CNTNAP2: variants seen among roughly 807,000 people sequenced by gnomAD.
CNTNAP2 encodes contactin-associated protein-like 2.
A neutral mutation model predicts 155.2 loss-of-function variants in CNTNAP2; 98 were observed. That is an observed-to-expected ratio of 0.63 (90% CI 0.54 to 0.75). The LOEUF (loss-of-function observed/expected upper bound fraction) is 0.75. Ranked by LOEUF, CNTNAP2 falls within the 30% of genes least tolerant of loss-of-function variation. The pLI is 0.00. For synonymous variants in CNTNAP2, 651 were observed against 631.2 expected, an observed-to-expected ratio of 1.03 and a Z score of -0.47; for missense variants, 1,727 against 1,688.1, an observed-to-expected ratio of 1.02 and a Z score of -0.40.
intron 11 of CNTNAP2, among the ~76,000 whole-genome samples, chr7:147,505,352 C>T (rs531901122): frequency 1.4e-5 from 2 of 146,550 alleles, no homozygotes; most frequent in Non-Finnish European, 2.9e-5. Flanking sequence ...GACCTTCAAA[C>T]AATAAAATGT....
chr7:148,383,821 C>A lies in CNTNAP2; in HGVS notation c.3648C>A (p.Ala1216=), dbSNP rs1252540894. The A allele has an allele frequency of 6.2e-7, 1 of 1,614,134 alleles. No homozygotes were observed. The highest frequency in any genetic ancestry group is 1.3e-5 in the African/African-American group (1 of 75,038). The change falls in exon 22 of 24, where the codon GCC becomes GCA. Residue 1216 remains alanine (A), a synonymous_variant. Transcript: ENST00000361727. ...AGCTGGTGGAGTCCAACTGCGGGGC[C>A]TCGCCGCTGACCCTCTCCCCCATGT... ...QGELVESNCG[A]SPLTLSPMSS... is the part of the protein sequence containing the mutation.
At chr7:146,466,542 T>C (rs1030854899) in intron 1 of CNTNAP2, among the ~76,000 whole-genome samples, 3 of 152,220 alleles carry the variant, frequency 2.0e-5, no homozygotes, top group Admixed American at 2.0e-4. Context: ...ATTTAATCTA[T>C]CTTTTCACCC....
intron 13 of CNTNAP2, among the ~76,000 whole-genome samples, chr7:147,711,557 C>T (rs369387052): frequency 1.3e-5 from 2 of 152,242 alleles, no homozygotes; most frequent in Admixed American, 6.5e-5. Context: ...AGGTCAGGAA[C>T]GATGGGAGCA....
chr7:147,324,096 G>T (rs1468421062), intron 9 of CNTNAP2, among the ~76,000 whole-genome samples: 1 of 151,948 alleles, frequency 6.6e-6, no homozygotes, highest in Admixed American at 6.6e-5. Context: ...AAATTAAGAG[G>T]CCAGAGAAAG....
At chr7:146,270,994 T>TA (rs1395785320) in intron 1 of CNTNAP2, among the ~76,000 whole-genome samples, 1 of 152,080 alleles carries the variant, frequency 6.6e-6, no homozygotes, top group African/African-American at 2.4e-5. Context: ...AACATCAAAA[T>TA]AAAAAAGTTA....
rs1434250349 is a variant in CNTNAP2, at chr7:146,233,696, A to G, written c.97+116723A>G. Reference sequence around the variant, plus strand: ...TGTTCTCATTGTTCAATTCCCACCTATGAGTGAGAATATGCGGTGTTTGGT... The same window carrying G: ...TGTTCTCATTGTTCAATTCCCACCTGTGAGTGAGAATATGCGGTGTTTGGT... On this transcript the variant is annotated intron_variant, in intron 1 of 23. Transcript: ENST00000361727. Among the ~76,000 whole-genome samples, 6 of 151,830 alleles carry G rather than the reference A, an allele frequency of 4.0e-5. No homozygotes were observed. The East Asian group carries it at 1.2e-3, about 29-fold the overall frequency.
intron 1 of CNTNAP2, among the ~76,000 whole-genome samples, chr7:146,704,462 T>C (rs1800929486): frequency 6.6e-6 from 1 of 152,152 alleles, no homozygotes; most frequent in Admixed American, 6.6e-5. Flanking sequence ...ATTAGACAGA[T>C]GAAGCTAATC....
intron 1 of CNTNAP2, among the ~76,000 whole-genome samples, chr7:146,202,088 A>G (rs187437632): frequency 6.6e-6 from 1 of 152,136 alleles, no homozygotes; most frequent in Non-Finnish European, 1.5e-5. Context: ...TTTATACTGC[A>G]TCCTTATCTG....
chr7:147,192,382 G>A (rs1009019185), intron 8 of CNTNAP2, among the ~76,000 whole-genome samples: 2 of 151,910 alleles, frequency 1.3e-5, no homozygotes, highest in Non-Finnish European at 2.9e-5. Context: ...TTTACCCAAG[G>A]ACTATACCCT....
At chr7:147,190,008 A>T (rs533738637) in intron 8 of CNTNAP2, among the ~76,000 whole-genome samples, 41 of 152,058 alleles carry the variant, frequency 2.7e-4, no homozygotes, top group South Asian at 1.0e-3. Context: ...CCTCCCAAAG[A>T]GCTAGGATTA....
chr7:147,566,572 C>T (rs896400516), intron 12 of CNTNAP2, among the ~76,000 whole-genome samples: 1 of 152,096 alleles, frequency 6.6e-6, no homozygotes, highest in Non-Finnish European at 1.5e-5. Context: ...GAAGCAGATG[C>T]CTTCTTCACA....
At position 146,264,765 on chromosome 7, in the gene CNTNAP2, A is replaced by T. The variant is rs554423632; in HGVS notation, c.97+147792A>T. 4.9e-4 allele frequency among the ~76,000 whole-genome samples: 74 copies of T among 152,330 alleles called. 1 individual carries two copies. Among genetic ancestry groups the T allele is most frequent in the African/African-American group, 1.7e-3 (70 of 41,568 alleles). On this transcript the variant is annotated intron_variant, in intron 1 of 23. Coordinates refer to ENST00000361727, the MANE Select transcript of CNTNAP2 (RefSeq NM_014141.6). ...GGTGTCAGTTACTAACAACACATTT[A>T]ATGTGAGAGAGGCAGATCGTTGTGG...
chr7:146,145,016 A>G (rs1199542909), intron 1 of CNTNAP2, among the ~76,000 whole-genome samples: 1 of 152,192 alleles, frequency 6.6e-6, no homozygotes, highest in Non-Finnish European at 1.5e-5. Flanking sequence ...GATGGATTTG[A>G]TGAATTTTGT....
chr7:148,033,729 A>G (rs1239673174), intron 15 of CNTNAP2, among the ~76,000 whole-genome samples: 1 of 152,242 alleles, frequency 6.6e-6, no homozygotes, highest in Non-Finnish European at 1.5e-5. Flanking sequence ...TCCATAAATT[A>G]TGTTAGATTG....
intron 9 of CNTNAP2, among the ~76,000 whole-genome samples, chr7:147,308,052 T>C (rs760950803): frequency 1.3e-5 from 2 of 152,100 alleles, no homozygotes; most frequent in African/African-American, 2.4e-5. Context: ...TGGGAGGGGA[T>C]TGAGGATTAT....
At chr7:148,156,813 T>C (rs962369133) in intron 17 of CNTNAP2, among the ~76,000 whole-genome samples, 2 of 152,154 alleles carry the variant, frequency 1.3e-5, no homozygotes, top group African/African-American at 4.8e-5. Flanking sequence ...CCATCCACCC[T>C]AAATTTGGAG....
intron 1 of CNTNAP2, among the ~76,000 whole-genome samples, chr7:146,222,541 A>AGTGTGTGTGT (rs10616515): frequency 1.9e-3 from 274 of 147,368 alleles, no homozygotes; most frequent in African/African-American, 6.6e-3. Flanking sequence ...ACTAAAGCAT[A>AGTGTGTGTGT]GTGTGTGTGT....
chr7:148,138,111 G>C (rs186909736), intron 16 of CNTNAP2, among the ~76,000 whole-genome samples: 29 of 152,114 alleles, frequency 1.9e-4, no homozygotes, highest in African/African-American at 6.5e-4. Flanking sequence ...GAAAACAGAC[G>C]TCCCCTTGGC....
intron 1 of CNTNAP2, among the ~76,000 whole-genome samples, chr7:146,363,598 G>A (rs1355586953): frequency 6.6e-6 from 1 of 152,176 alleles, no homozygotes; most frequent in African/African-American, 2.4e-5. Flanking sequence ...GGCTGACATA[G>A]GGGAGAGTCC....
Sources: gnomAD v4.1 joint callset for allele counts (sites outside exome capture counted in the v4.1 genomes callset) on GRCh38, gnomAD v4.1.1 for gene constraint, MANE v1.5 for transcripts, NCBI Gene and HGNC (gene_info 2026-07-23, HGNC 2026-07-21) for gene names.